TLE3: variants seen among roughly 807,000 people sequenced by gnomAD.
TLE3 encodes the protein TLE family member 3, transcriptional corepressor.
Under a neutral mutation model 93.0 loss-of-function variants are expected in TLE3, and 14 were observed. That is an observed-to-expected ratio of 0.15 (90% CI 0.10 to 0.24). The LOEUF (loss-of-function observed/expected upper bound fraction) is 0.24. Ranked by LOEUF, TLE3 falls within the 10% of genes least tolerant of loss-of-function variation. The pLI, the probability that TLE3 is intolerant of heterozygous loss-of-function variation, is 1.00. For synonymous variants in TLE3, 451 were observed against 425.0 expected, an observed-to-expected ratio of 1.06 and a Z score of -0.75; for missense variants, 693 against 1,046.6, an observed-to-expected ratio of 0.66 and a Z score of 4.66.
chr15:70,082,119 C>G (rs539044816), intron 4 of TLE3, among the ~76,000 whole-genome samples: 65 of 152,236 alleles, frequency 4.3e-4, no homozygotes, highest in Non-Finnish European at 7.6e-4. Flanking sequence ...AGCAGCCAGG[C>G]GCCAATCACC....
chr15:70,054,712 T>G (rs1247754448), intron 15 of TLE3, 27 bp from the exon 16 acceptor site: 1 of 1,543,294 alleles, frequency 6.5e-7, no homozygotes, highest in Admixed American at 1.9e-5. Context: ...CAGGGCTGAG[T>G]GCTGCCTACT....
intron 18 of TLE3, 56 bp downstream of exon 18, chr15:70,052,318 G>A: frequency 1.3e-6 from 2 of 1,590,524 alleles, no homozygotes; most frequent in Non-Finnish European, 1.7e-6. Context: ...TGTTGGGCCA[G>A]GCTGCCCTGG....
At chr15:70,092,115 C>A (rs2058338799) in intron 4 of TLE3, among the ~76,000 whole-genome samples, 1 of 152,200 alleles carries the variant, frequency 6.6e-6, no homozygotes. Flanking sequence ...CGATAAAACA[C>A]CAGTCAACCG....
Position 70,096,934 on chromosome 15 carries a change from G to A in TLE3, c.-136C>T. ...AGCTCGCCCCCGGCCCCCCCAGCTCGTTCTCGCAGCGAAATCCCAGAGTCG... is the reference window on the plus strand; with the variant it reads ...AGCTCGCCCCCGGCCCCCCCAGCTCATTCTCGCAGCGAAATCCCAGAGTCG... On this transcript the variant is annotated 5_prime_UTR_variant, in exon 1 of 20. It adds an upstream start codon to the 5' untranslated region. Coordinates refer to ENST00000451782, the MANE Select transcript of TLE3 (RefSeq NM_001105192.3). 9.9e-7 allele frequency: 1 copy of A among 1,005,644 alleles called. No individual in the cohort carries two copies. The highest frequency in any genetic ancestry group is 1.5e-6 in the Non-Finnish European group (1 of 673,806). 62.3% of individuals were successfully genotyped at this position (1,005,644 alleles called of 1,614,324 possible).
rs761641757 is a variant in TLE3, at chr15:70,052,516, C to G, written c.1983G>C (p.Ser661=). Residue 661 remains serine (S), a synonymous_variant, in exon 18 of 20, where the codon TCG becomes TCC. Transcript: ENST00000451782. ...QQHDFTSQIF[S]LGYCPTGEWL... Reference sequence around the variant, plus strand: ...ACTCCCCAGTGGGGCAGTAGCCCAGCGAGAAGATCTGCAGGTGGTGGGAGG... The same window carrying G: ...ACTCCCCAGTGGGGCAGTAGCCCAGGGAGAAGATCTGCAGGTGGTGGGAGG... 1 of 1,613,044 alleles carries G rather than the reference C, an allele frequency of 6.2e-7. No homozygotes were observed. Among genetic ancestry groups the G allele is most frequent in the Admixed American group, 1.7e-5 (1 of 59,938 alleles).
chr15:70,093,620 T>C (rs965428051), intron 4 of TLE3, among the ~76,000 whole-genome samples: 24 of 152,360 alleles, frequency 1.6e-4, no homozygotes, highest in African/African-American at 5.3e-4. Flanking sequence ...CAAGCCAAAT[T>C]ATAGGCAGCC....
In TLE3 at chr15:70,053,607, G is replaced by A. The variant is rs183463980; in HGVS notation, c.1827-233C>T. 3,289 of 406,544 alleles carry A rather than the reference G, an allele frequency of 8.1e-3. 22 individuals carry two copies. The highest frequency in any genetic ancestry group is 0.01 in the Non-Finnish European group (2,322 of 230,186). The allele number at this position is 406,544 out of a possible 1,614,324, so 25.2% of individuals were successfully genotyped here. A position where few individuals can be genotyped will look rare whatever the true frequency, so the allele number is the denominator to read the frequency against. ...CAGGGACAAGTCCCCTGGGAAATGG[G>A]GGGGGGAGGTGAAAAAGGGACCTTG... On this transcript the variant is annotated intron_variant, in intron 16 of 19. Coordinates refer to ENST00000451782, the MANE Select transcript of TLE3 (RefSeq NM_001105192.3).
chr15:70,083,970 C>T lies in TLE3; in HGVS notation c.235-7812G>A, dbSNP rs370099146. On this transcript the variant is annotated intron_variant, in intron 4 of 19. Coordinates refer to ENST00000451782, the MANE Select transcript of TLE3 (RefSeq NM_001105192.3). ...AAAATAAAAAGGGTTAGAGGGTCTT[C>T]TTTCTCCAAATAAGGAAGGCAGGAG... Among the ~76,000 whole-genome samples, 54 of 152,328 alleles carry T rather than the reference C, an allele frequency of 3.5e-4. No individual in the cohort carries two copies. In the South Asian group the frequency reaches 0.011, roughly 30 times the overall value.
chr15:70,057,841 T>C, intron 12 of TLE3, 183 bp from the exon 13 acceptor site: 1 of 778,162 alleles, frequency 1.3e-6, no homozygotes, highest in Non-Finnish European at 2.0e-6. Flanking sequence ...GCTTGGCAGA[T>C]GCACCCACCT....
chr15:70,088,329 C>T (rs2058127411), intron 4 of TLE3, among the ~76,000 whole-genome samples: 1 of 152,214 alleles, frequency 6.6e-6, no homozygotes, highest in African/African-American at 2.4e-5. Context: ...CCAAATATTC[C>T]CCGCTTACAT....
chr15:70,067,615 A>G (rs960428975), intron 6 of TLE3, among the ~76,000 whole-genome samples: 4 of 152,232 alleles, frequency 2.6e-5, no homozygotes, highest in Admixed American at 6.5e-5. Flanking sequence ...GCCTGTCAAT[A>G]TGAGATGGTT....
Position 70,095,635 on chromosome 15 carries a change from T to C in TLE3, c.132A>G (p.Lys44=), listed in dbSNP as rs1407777238. Residue 44 remains lysine (K), a synonymous_variant, in exon 3 of 20, where the codon AAA becomes AAG. Coordinates refer to ENST00000451782, the MANE Select transcript of TLE3 (RefSeq NM_001105192.3). Reference sequence around the variant, plus strand: ...CGTTTGCCAGCTTGTCGTACTCCACTTTGAGGCTGCGAGGGCAGGAGGAGC... The same window carrying C: ...CGTTTGCCAGCTTGTCGTACTCCACCTTGAGGCTGCGAGGGCAGGAGGAGC... ...QFLQAQYHSL[K]VEYDKLANEK... The C allele has an allele frequency of 1.9e-5, 29 of 1,551,464 alleles. No individual in the cohort carries two copies. Among genetic ancestry groups the C allele is most frequent in the Non-Finnish European group, 2.4e-5 (28 of 1,146,896 alleles).
In TLE3 at chr15:70,095,651, C is replaced by T; in HGVS notation, c.126-10G>A. 1.3e-6 allele frequency: 2 copies of T among 1,551,314 alleles called. No homozygotes were observed. Among genetic ancestry groups the T allele is most frequent in the Non-Finnish European group, 1.7e-6 (2 of 1,146,840 alleles). ...GTACTCCACTTTGAGGCTGCGAGGG[C>T]AGGAGGAGCCGGCTCAGGCGTGGCG... On this transcript the variant is annotated splice_polypyrimidine_tract_variant and intron_variant, in intron 2 of 19. Coordinates refer to ENST00000451782, the MANE Select transcript of TLE3 (RefSeq NM_001105192.3).
chr15:70,055,171 C>A lies in TLE3; in HGVS notation c.1456G>T (p.Val486Leu). 6.2e-7 allele frequency: 1 copy of A among 1,614,206 alleles called. No individual in the cohort carries two copies. Among genetic ancestry groups the A allele is most frequent in the Non-Finnish European group, 8.5e-7 (1 of 1,180,032 alleles). Residue 486 changes from valine to leucine, a missense_variant, in exon 15 of 20, where the codon GTG (valine) becomes TTG (leucine). By Grantham distance (32) the Val-to-Leu change is conservative. Transcript: ENST00000451782. ...QINTLSHGEV[V>L]CAVTISNPTR... ...GGGTTGCTGATGGTCACGGCACACACCACCTCCCCGTGGCTGAGTGTGTTG... is the reference window on the plus strand; with the variant it reads ...GGGTTGCTGATGGTCACGGCACACAACACCTCCCCGTGGCTGAGTGTGTTG...
intron 8 of TLE3, among the ~76,000 whole-genome samples, chr15:70,062,840 C>G (rs1051530448): frequency 2.0e-5 from 3 of 152,242 alleles, no homozygotes; most frequent in African/African-American, 7.2e-5. Flanking sequence ...TGCCCAGCAT[C>G]TTGATTCATT....
At chr15:70,069,057 G>A (rs148356339) in intron 6 of TLE3, among the ~76,000 whole-genome samples, 3 of 152,354 alleles carry the variant, frequency 2.0e-5, no homozygotes, top group African/African-American at 7.2e-5. Context: ...GATCCCAGGT[G>A]TACACTGTTT....
intron 8 of TLE3, among the ~76,000 whole-genome samples, chr15:70,063,466 G>A (rs920316922): frequency 6.6e-6 from 1 of 152,180 alleles, no homozygotes; most frequent in African/African-American, 2.4e-5. Context: ...GCTAATGGGA[G>A]GTTTAAAAAG....
At position 70,074,660 on chromosome 15, in the gene TLE3, G is replaced by C. The variant is rs1039225724; in HGVS notation, c.298-53C>G. 9.3e-6 allele frequency: 14 copies of C among 1,500,152 alleles called. No homozygotes were observed. In the African/African-American group the frequency reaches 1.8e-4, roughly 19 times the overall value. The allele number at this position is 1,500,152 out of a possible 1,614,324, so 92.9% of individuals were successfully genotyped here. A position where few individuals can be genotyped will look rare whatever the true frequency, so the allele number is the denominator to read the frequency against. Reference sequence around the variant, plus strand: ...GCAGCCACTTTCCTGGACAGAGGAGGTCACAGGCTGTGCAGCACTGGCAGG... The same window carrying C: ...GCAGCCACTTTCCTGGACAGAGGAGCTCACAGGCTGTGCAGCACTGGCAGG... On this transcript the variant is annotated intron_variant, in intron 5 of 19. Coordinates refer to ENST00000451782, the MANE Select transcript of TLE3 (RefSeq NM_001105192.3).
In TLE3 at chr15:70,096,060, C is replaced by A. The variant is rs555901828; in HGVS notation, c.125+101G>T. On this transcript the variant is annotated intron_variant, in intron 2 of 19. Coordinates refer to ENST00000451782, the MANE Select transcript of TLE3 (RefSeq NM_001105192.3). ...CGGAGGCCCGGGCTGCCCCGCCGCC[C>A]CTAGGTCGGGAGCCCCCTCCGTCCC... 6.6e-6 allele frequency: 9 copies of A among 1,364,222 alleles called. No individual in the cohort carries two copies. The African/African-American group carries it at 1.3e-4, about 20-fold the overall frequency. 84.5% of individuals were successfully genotyped at this position (1,364,222 alleles called of 1,614,324 possible). A position where few individuals can be genotyped will look rare whatever the true frequency, so the allele number is the denominator to read the frequency against.
Sources: gnomAD v4.1 joint callset for allele counts (sites outside exome capture counted in the v4.1 genomes callset) on GRCh38, gnomAD v4.1.1 for gene constraint, MANE v1.5 for transcripts, NCBI Gene and HGNC (gene_info 2026-07-23, HGNC 2026-07-21) for gene names.